Variants in NR3C1 observed in about 807,000 individuals in gnomAD.
NR3C1 encodes glucocorticoid receptor.
A neutral mutation model predicts 74.0 loss-of-function variants in NR3C1; 14 were observed. The observed-to-expected ratio is 0.19, with a 90% CI of 0.12 to 0.30. The LOEUF is 0.30. NR3C1 is among the 10% of genes least tolerant of loss of function. The pLI, the probability that NR3C1 is intolerant of heterozygous loss-of-function variation, is 1.00. For missense variants in NR3C1, 695 were observed against 909.8 expected (o/e 0.76, Z 3.04); for synonymous variants, 308 against 332.5 (o/e 0.93, Z 0.80).
chr5:143,369,246 G>C (rs549448099), intron 2 of NR3C1, among the ~76,000 whole-genome samples: 53 of 152,316 alleles, frequency 3.5e-4, no homozygotes, highest in Non-Finnish European at 4.3e-4. Flanking sequence ...TTGCTGATGG[G>C]AGTGTAAAAT....
intron 2 of NR3C1, among the ~76,000 whole-genome samples, chr5:143,315,106 T>C (rs1354725152): frequency 1.3e-5 from 2 of 152,246 alleles, no homozygotes; most frequent in Non-Finnish European, 1.5e-5. Context: ...AATGGATATA[T>C]ACTTTTCACC....
chr5:143,310,221 G>T lies in NR3C1; in HGVS notation c.1352-8C>A, dbSNP rs367579326. 1.6e-4 allele frequency: 246 copies of T among 1,579,130 alleles called. No homozygotes were observed. The highest frequency in any genetic ancestry group is 2.1e-4 in the Non-Finnish European group (237 of 1,149,646). On this transcript the variant is annotated splice_region_variant and splice_polypyrimidine_tract_variant and intron_variant, in intron 3 of 8. Transcript: ENST00000394464. ...ATAGGTAATTGTGCTGTCCTATATGGAATAAAAGGCACTATTAAAGTTTCA... is the reference window on the plus strand; with the variant it reads ...ATAGGTAATTGTGCTGTCCTATATGTAATAAAAGGCACTATTAAAGTTTCA...
At chr5:143,387,536 C>T (rs61751259) in intron 2 of NR3C1, among the ~76,000 whole-genome samples, 9 of 152,312 alleles carry the variant, frequency 5.9e-5, no homozygotes, top group African/African-American at 1.9e-4. Context: ...TTTGTGGCTG[C>T]TCTCTTTGGT....
At chr5:143,359,975 G>GA (rs1831925456) in intron 2 of NR3C1, among the ~76,000 whole-genome samples, 1 of 152,050 alleles carries the variant, frequency 6.6e-6, no homozygotes, top group Non-Finnish European at 1.5e-5. Context: ...ACTGGAAGGA[G>GA]AAAAAACCCA....
rs1304478927 is a variant in NR3C1 at position 143,400,132 on chromosome 5, A to G, written c.708T>C (p.Leu236=). ...AGTCCTCATTCGAGTTTCCTTCCAA[A>G]AGGAATGAATCGTCTTCTCCCGCCA... ...SPLAGEDDSF[L]LEGNSNEDCK... The change falls in exon 2 of 9, where the codon CTT becomes CTC. Residue 236 remains leucine (L), a synonymous_variant. Transcript: ENST00000394464. 9 of 1,614,056 alleles carry G rather than the reference A, an allele frequency of 5.6e-6. No homozygotes were observed. Among genetic ancestry groups the G allele is most frequent in the Non-Finnish European group, 7.6e-6 (9 of 1,180,038 alleles).
chr5:143,332,310 GTGTT>G (rs1441503291), intron 2 of NR3C1, among the ~76,000 whole-genome samples: 1 of 139,822 alleles, frequency 7.2e-6, no homozygotes, highest in African/African-American at 2.7e-5. Flanking sequence ...GGCACTTTGA[GTGTT>G]TTTTTTTTTT....
At chr5:143,320,935 G>A (rs533363930) in intron 2 of NR3C1, among the ~76,000 whole-genome samples, 1 of 152,274 alleles carries the variant, frequency 6.6e-6, no homozygotes, top group African/African-American at 2.4e-5. Flanking sequence ...TAGGGGATGC[G>A]AGTTTTAAGC....
chr5:143,371,883 T>C (rs1471696008), intron 2 of NR3C1, among the ~76,000 whole-genome samples: 1 of 152,226 alleles, frequency 6.6e-6, no homozygotes, highest in Non-Finnish European at 1.5e-5. Flanking sequence ...ATACTCAAAC[T>C]GCTGAACTAA....
At chr5:143,382,246 A>C (rs1836395531) in intron 2 of NR3C1, among the ~76,000 whole-genome samples, 1 of 152,180 alleles carries the variant, frequency 6.6e-6, no homozygotes, top group Non-Finnish European at 1.5e-5. Context: ...TCACCCCCAC[A>C]ATTGCATGCT....
At chr5:143,299,254 T>TC (rs1817969494) in intron 5 of NR3C1, among the ~76,000 whole-genome samples, 2 of 151,068 alleles carry the variant, frequency 1.3e-5, no homozygotes, top group Non-Finnish European at 2.9e-5. Context: ...CCTCAACTGA[T>TC]CCACCCACCT....
At chr5:143,362,412 G>C (rs1334265737) in intron 2 of NR3C1, among the ~76,000 whole-genome samples, 1 of 151,246 alleles carries the variant, frequency 6.6e-6, no homozygotes, top group Non-Finnish European at 1.5e-5. Flanking sequence ...CCAGGCTGGA[G>C]TGCAGTAGTG....
chr5:143,329,746 T>A (rs546380198), intron 2 of NR3C1, among the ~76,000 whole-genome samples: 2 of 152,320 alleles, frequency 1.3e-5, no homozygotes, highest in Admixed American at 6.5e-5. Context: ...CACCTTTTTT[T>A]AAATACCAAT....
chr5:143,363,817 C>T (rs1016905033), intron 2 of NR3C1, among the ~76,000 whole-genome samples: 1 of 151,680 alleles, frequency 6.6e-6, no homozygotes, highest in African/African-American at 2.4e-5. Context: ...TCCATGAACT[C>T]GAAGATAGGT....
chr5:143,392,740 TA>T (rs889827220), intron 2 of NR3C1, among the ~76,000 whole-genome samples: 52 of 151,410 alleles, frequency 3.4e-4, no homozygotes, highest in Middle Eastern at 3.4e-3. Context: ...CATTATTAGG[TA>T]AAAAAAAATT....
intron 2 of NR3C1, among the ~76,000 whole-genome samples, chr5:143,362,276 TTAGC>T (rs1409288657): frequency 6.6e-6 from 1 of 152,176 alleles, no homozygotes; most frequent in Non-Finnish European, 1.5e-5. Context: ...GATTCCTAGC[TTAGC>T]AGTAGCCATG....
At chr5:143,322,387 C>T (rs1322756727) in intron 2 of NR3C1, among the ~76,000 whole-genome samples, 2 of 152,188 alleles carry the variant, frequency 1.3e-5, no homozygotes. Flanking sequence ...AGAAATAACA[C>T]TTTCTACTTT....
At chr5:143,404,264 C>T, upstream of NR3C1, 1 of 985,574 alleles carries the variant, frequency 1.0e-6, no homozygotes, top group Non-Finnish European at 1.2e-6. Flanking sequence ...TACGGGGTTG[C>T]ACGGAAACGG....
At chr5:143,319,789 CAT>C (rs1408401161) in intron 2 of NR3C1, among the ~76,000 whole-genome samples, 5 of 148,560 alleles carry the variant, frequency 3.4e-5, no homozygotes, top group African/African-American at 1.2e-4. Flanking sequence ...CTTTAAGCAA[CAT>C]AAAGTGGAAA....
chr5:143,424,286 A>G (rs964764213), intron 1 of NR3C1, among the ~76,000 whole-genome samples: 1 of 152,172 alleles, frequency 6.6e-6, no homozygotes, highest in Non-Finnish European at 1.5e-5. Flanking sequence ...TATGAGGAAT[A>G]AGATCTAGTG....
Sources: gnomAD v4.1 joint callset for allele counts (sites outside exome capture counted in the v4.1 genomes callset) on GRCh38, gnomAD v4.1.1 for gene constraint, MANE v1.5 for transcripts, NCBI Gene and HGNC (gene_info 2026-07-23, HGNC 2026-07-21) for gene names.